ANO9: variants seen among roughly 807,000 people sequenced by gnomAD.
The protein encoded by ANO9 is anoctamin 9, also known as anoctamin-9.
A neutral mutation model predicts 100.5 loss-of-function variants in ANO9; 80 were observed. The ratio of observed to expected loss-of-function variants is 0.80; its 90% CI spans 0.66 to 0.96. The LOEUF (loss-of-function observed/expected upper bound fraction) is 0.96, where lower values mean the gene tolerates loss of function less well. ANO9 is among the 40% of genes least tolerant of loss of function. The probability of loss-of-function intolerance (pLI) is 0.00; values close to 1 mark genes in which losing one functional copy is unlikely to be tolerated. For missense variants in ANO9, 1,064 were observed against 1,072.7 expected (o/e 0.99, Z 0.11); for synonymous variants, 473 against 435.6 (o/e 1.09, Z -1.07).
Position 438,780 on chromosome 11 carries a change from C to T in ANO9, c.6+3141G>A, listed in dbSNP as rs546608028. 2.6e-5 allele frequency among the ~76,000 whole-genome samples: 4 copies of T among 152,282 alleles called. No homozygotes were observed. The South Asian group carries it at 8.3e-4, about 32-fold the overall frequency. ...AGGGCTGGACCACCTGAAGTCACCT[C>T]CACTTCCAGCCATGCAGACTGTTCG... is the stretch of plus-strand genomic sequence containing the variant. On this transcript the variant is annotated intron_variant, in intron 1 of 22. Transcript: ENST00000332826.
In ANO9 at chr11:419,431, G is replaced by A. The variant is rs991566439; in HGVS notation, c.1934+151C>T. 10 of 1,436,802 alleles carry A rather than the reference G, an allele frequency of 7.0e-6. No individual in the cohort carries two copies. The South Asian group carries it at 1.2e-4, about 17-fold the overall frequency. 89.0% of individuals were successfully genotyped at this position (1,436,802 alleles called of 1,614,324 possible). A position where few individuals can be genotyped will look rare whatever the true frequency, so the allele number is the denominator to read the frequency against. On this transcript the variant is annotated intron_variant, in intron 20 of 22. Transcript: ENST00000332826. The stretch of plus-strand genomic sequence containing the variant: ...AGGGCCTGCCGTCAGTGGGCGCAGG[G>A]CAGGGGCCACCCCCAGGCCCCAGCC...
chr11:419,349 G>A, intron 20 of ANO9: 1 of 1,415,386 alleles, frequency 7.1e-7, no homozygotes, highest in Non-Finnish European at 9.2e-7. Context: ...AGGCAGCCAG[G>A]TCTGGGAACT....
In ANO9 at chr11:438,683, G is replaced by A. The variant is rs112384261; in HGVS notation, c.6+3238C>T. On this transcript the variant is annotated intron_variant, in intron 1 of 22. Transcript: ENST00000332826. ...GACCAGGCCATCCATCTGTCCATCC[G>A]TCTCCAGGGCCAGTGTTTACGGACC... Among the ~76,000 whole-genome samples, 699 of 152,030 alleles carry A rather than the reference G, an allele frequency of 4.6e-3. 5 individuals are homozygous for A. The highest frequency in any genetic ancestry group is 0.016 in the African/African-American group (664 of 41,432).
At chr11:428,661 C>G (rs775894190) in intron 12 of ANO9, 22 bp from the exon 13 acceptor site, 1 of 1,607,344 alleles carries the variant, frequency 6.2e-7, no homozygotes, top group Non-Finnish European at 8.5e-7. Context: ...CTGTGGTGGG[C>G]GGGGGCCGGG....
At chr11:419,355 G>T in intron 20 of ANO9, 1 of 1,415,834 alleles carries the variant, frequency 7.1e-7, no homozygotes, top group African/African-American at 1.4e-5. Flanking sequence ...CCAGGTCTGG[G>T]AACTTCACCC....
At chr11:440,949 G>T (rs1416079458) in intron 1 of ANO9, among the ~76,000 whole-genome samples, 1 of 152,242 alleles carries the variant, frequency 6.6e-6, no homozygotes, top group African/African-American at 2.4e-5. Flanking sequence ...CAAACCAGGT[G>T]CTGCTTCTCC....
intron 3 of ANO9, 101 bp from the exon 4 acceptor site, chr11:433,560 TC>T: frequency 7.4e-7 from 1 of 1,344,618 alleles, no homozygotes; most frequent in Non-Finnish European, 9.8e-7. Flanking sequence ...CCCTCCCCCC[TC>T]TATTCCGCCT....
intron 1 of ANO9, among the ~76,000 whole-genome samples, chr11:437,615 G>C (rs1004363744): frequency 6.6e-6 from 1 of 152,130 alleles, no homozygotes; most frequent in Non-Finnish European, 1.5e-5. Context: ...TTCATCCTCC[G>C]ACAGATATGC....
rs1849079205 is a variant in ANO9, at chr11:432,315, T to A, written c.351-261A>T. On this transcript the variant is annotated intron_variant, in intron 4 of 22. Transcript: ENST00000332826. The surrounding 1 kb of genome is among the most constrained non-coding windows in gnomAD (Gnocchi z 4.8). ...GGGGGCTCCTTCTCCTCCCAGCCCG[T>A]CCCTCCCAGAAGCCCAGACCACAGC... 1 of 529,430 alleles carries A rather than the reference T, an allele frequency of 1.9e-6. No homozygotes were observed. The highest frequency in any genetic ancestry group is 1.9e-5 in the African/African-American group (1 of 51,996). The allele number at this position is 529,430 out of a possible 1,614,324, so 32.8% of individuals were successfully genotyped here. A position where few individuals can be genotyped will look rare whatever the true frequency, so the allele number is the denominator to read the frequency against.
In ANO9 at chr11:433,847, C is replaced by T. The variant is rs1462234626; in HGVS notation, c.172G>A (p.Glu58Lys). The T allele has an allele frequency of 1.3e-6, 2 of 1,563,164 alleles. No individual in the cohort carries two copies. The highest frequency in any genetic ancestry group is 3.8e-5 in the Admixed American group (2 of 51,982). The stretch of plus-strand genomic sequence containing the variant: ...TGGAAGCCCTTTCTCCTGAGCTCCT[C>T]CAGGAACTGTTGCTGCCGCGCCTGC... ...PRQARQQQFLEELRRKGFHIK... is the reference protein window; with the variant it reads ...PRQARQQQFLKELRRKGFHIK... The change falls in exon 3 of 23, where the codon GAG becomes AAG. Residue 58 changes from glutamate to lysine, a missense_variant. Glu to Lys is a moderately conservative substitution (Grantham distance 56). Transcript: ENST00000332826.
At chr11:438,571 G>A (rs938964166) in intron 1 of ANO9, among the ~76,000 whole-genome samples, 2 of 150,428 alleles carry the variant, frequency 1.3e-5, no homozygotes, top group Non-Finnish European at 3.0e-5. Context: ...GGACCGGGCC[G>A]TCCATCTGTC....
rs1253270068 is a variant in ANO9 at position 432,275 on chromosome 11, G to A, written c.351-221C>T. On this transcript the variant is annotated intron_variant, in intron 4 of 22. Transcript: ENST00000332826. This position sits in a 1 kb window ranked among gnomAD's most constrained non-coding sequence, Gnocchi z 4.8. ...GGCCTGGCCTGCCCCACGGCGTCCAGGATGAGGCTGGGCTGGGGGCTCCTT... is the reference window on the plus strand; with the variant it reads ...GGCCTGGCCTGCCCCACGGCGTCCAAGATGAGGCTGGGCTGGGGGCTCCTT... 1 of 565,352 alleles carries A rather than the reference G, an allele frequency of 1.8e-6. No individual in the cohort carries two copies. Among genetic ancestry groups the A allele is most frequent in the Non-Finnish European group, 3.2e-6 (1 of 316,530 alleles). 35.0% of individuals were successfully genotyped at this position (565,352 alleles called of 1,614,324 possible).
chr11:421,156 C>A lies in ANO9; in HGVS notation c.1377G>T (p.Leu459Phe), dbSNP rs1848158304. The part of the protein sequence containing the change: ...HPGKSTRLAG[L>F]WKLEECHASG... ...GGTGACTGACCTCTTCCAGCTTCCA[C>A]AAGCCCGCCAGGCGCGTGGACTTCC... Residue 459 changes from leucine to phenylalanine, a missense_variant, in exon 16 of 23, where the codon TTG becomes TTT. Physicochemically the swap from Leu to Phe is conservative, Grantham distance 22. Coordinates refer to ENST00000332826, the MANE Select transcript of ANO9 (RefSeq NM_001012302.3). This position sits in a 1 kb window ranked among gnomAD's most constrained non-coding sequence, Gnocchi z 6.8. The A allele has an allele frequency of 6.4e-7, 1 of 1,567,638 alleles. No homozygotes were observed. Among genetic ancestry groups the A allele is most frequent in the Non-Finnish European group, 8.7e-7 (1 of 1,152,042 alleles).
intron 15 of ANO9, among the ~76,000 whole-genome samples, chr11:426,851 G>C (rs772160726): frequency 2.4e-4 from 37 of 152,170 alleles, no homozygotes; most frequent in Non-Finnish European, 4.0e-4. Context: ...AGGAGGACTA[G>C]AAGCTCACTA....
At chr11:430,018 C>A (rs959537051) in intron 9 of ANO9, 65 bp downstream of exon 9, 7 of 1,510,460 alleles carry the variant, frequency 4.6e-6, no homozygotes, top group African/African-American at 1.4e-5. Context: ...TGATCTCCCC[C>A]GCTTCGGGTG....
At chr11:424,618 G>C (rs376913639) in intron 15 of ANO9, among the ~76,000 whole-genome samples, 7 of 152,082 alleles carry the variant, frequency 4.6e-5, no homozygotes, top group African/African-American at 1.4e-4. Context: ...TCTTTAATAC[G>C]AATGAATAAC....
Position 418,368 on chromosome 11 carries a change from G to A in ANO9, c.*3C>T, listed in dbSNP as rs759467914. On this transcript the variant is annotated 3_prime_UTR_variant, in exon 23 of 23. Transcript: ENST00000332826. Reference sequence around the variant, plus strand: ...CCTGGTGGCCTCTGGACGGGCTCTGGCCCTACACGTCTGTGCTCCTGGCAC... The same window carrying A: ...CCTGGTGGCCTCTGGACGGGCTCTGACCCTACACGTCTGTGCTCCTGGCAC... The A allele has an allele frequency of 6.2e-7, 1 of 1,601,316 alleles. No homozygotes were observed. Among genetic ancestry groups the A allele is most frequent in the Non-Finnish European group, 8.5e-7 (1 of 1,174,516 alleles).
chr11:432,130 T>G lies in ANO9; in HGVS notation c.351-76A>C, dbSNP rs1317488845. 1 of 1,530,862 alleles carries G rather than the reference T, an allele frequency of 6.5e-7. No individual in the cohort carries two copies. Among genetic ancestry groups the G allele is most frequent in the Non-Finnish European group, 9.0e-7 (1 of 1,117,024 alleles). The allele number at this position is 1,530,862 out of a possible 1,614,324, so 94.8% of individuals were successfully genotyped here. On this transcript the variant is annotated intron_variant, in intron 4 of 22. Coordinates refer to ENST00000332826, the MANE Select transcript of ANO9 (RefSeq NM_001012302.3). This position sits in a 1 kb window ranked among gnomAD's most constrained non-coding sequence, Gnocchi z 4.8. ...CCAGGTCTCAACCTGCCCTCTGGTC[T>G]GGCCAGGCCCAGGCCCCTCCCTGTC...
At chr11:439,321 C>T (rs1186256358) in intron 1 of ANO9, among the ~76,000 whole-genome samples, 1 of 152,240 alleles carries the variant, frequency 6.6e-6, no homozygotes, top group Non-Finnish European at 1.5e-5. Context: ...GACACTGTAG[C>T]CTGCAGGAGA....
Sources: gnomAD v4.1 joint callset for allele counts (sites outside exome capture counted in the v4.1 genomes callset) on GRCh38, gnomAD v4.1.1 for gene constraint, Gnocchi (gnomAD v3.1) non-coding constraint, MANE v1.5 for transcripts, NCBI Gene and HGNC (gene_info 2026-07-23, HGNC 2026-07-21) for gene names.